The following EFCAB7 variants were observed in gnomAD, a reference collection of about 807,000 sequenced individuals.
EFCAB7 encodes the protein EF-hand calcium binding domain 7.
A neutral mutation model predicts 77.1 loss-of-function variants in EFCAB7; 66 were observed. The observed-to-expected ratio is 0.86, with a 90% CI of 0.70 to 1.05. The LOEUF (loss-of-function observed/expected upper bound fraction) is 1.05, where lower values mean the gene tolerates loss of function less well. EFCAB7 is among the 50% of genes least tolerant of loss of function. EFCAB7 has a pLI of 0.00. For synonymous variants in EFCAB7, 225 were observed against 243.3 expected, an observed-to-expected ratio of 0.92 and a Z score of 0.70; for missense variants, 638 against 730.5, an observed-to-expected ratio of 0.87 and a Z score of 1.46.
chr1:63,550,571 G>A (rs1646952417), intron 7 of EFCAB7: 1 of 151,204 alleles, frequency 6.6e-6, no homozygotes, highest in African/African-American at 2.4e-5. Flanking sequence ...TTTTATTAAT[G>A]TCATTTCTGG....
At chr1:63,549,206 T>C in intron 7 of EFCAB7, 1 of 360,160 alleles carries the variant, frequency 2.8e-6, no homozygotes, top group South Asian at 2.4e-5. Context: ...CATAATGCTT[T>C]GGAACAGGAC....
chr1:63,547,829 A>G (rs1344718378), intron 7 of EFCAB7: 1 of 152,226 alleles, frequency 6.6e-6, no homozygotes, highest in Non-Finnish European at 1.5e-5. Context: ...ATAATCCTTC[A>G]GTAAACTAGC....
At chr1:63,528,492 C>T (rs1230216510) in intron 2 of EFCAB7, among the ~76,000 whole-genome samples, 1 of 151,764 alleles carries the variant, frequency 6.6e-6, no homozygotes, top group East Asian at 1.9e-4. Context: ...AAGAATAAGA[C>T]CTAGTATTTA....
At chr1:63,561,514 A>C (rs1325565465) in intron 10 of EFCAB7, among the ~76,000 whole-genome samples, 195 bp from the exon 11 acceptor site, 1 of 152,220 alleles carries the variant, frequency 6.6e-6, no homozygotes, top group African/African-American at 2.4e-5. Context: ...CGATATATCT[A>C]TGCTGAGTTA....
chr1:63,525,330 A>G (rs1483079854), intron 1 of EFCAB7, among the ~76,000 whole-genome samples: 2 of 152,144 alleles, frequency 1.3e-5, no homozygotes, highest in Non-Finnish European at 2.9e-5. Flanking sequence ...TATATCTAAA[A>G]TTAGAAATTA....
chr1:63,546,035 AT>A lies in EFCAB7; in HGVS notation c.926del (p.Leu309Ter). Reference protein sequence around the residue: ...RSMVYLTIKPLNLSQVEGKPS... With the variant: ...RSMVYLTIKPXNLSQVEGKPS... ...CCATGGTTTATCTAACAATTAAGCC[AT>A]TAAACCTGAGTCAAGTTGAAGGCAA... is the stretch of plus-strand genomic sequence containing the variant. On this transcript the variant is annotated frameshift_variant, in exon 7 of 14. Transcript: ENST00000371088. LOFTEE classifies it high-confidence loss of function. The A allele has an allele frequency of 6.2e-7, 1 of 1,609,976 alleles. No homozygotes were observed. Among genetic ancestry groups the A allele is most frequent in the Non-Finnish European group, 8.5e-7 (1 of 1,179,168 alleles).
intron 6 of EFCAB7, among the ~76,000 whole-genome samples, chr1:63,538,027 T>C (rs1272863964): frequency 6.6e-6 from 1 of 152,204 alleles, no homozygotes; most frequent in Non-Finnish European, 1.5e-5. Flanking sequence ...TTTTGTACTT[T>C]TCAGCATTTC....
chr1:63,533,068 T>C (rs1416501359), intron 4 of EFCAB7, among the ~76,000 whole-genome samples: 2 of 151,898 alleles, frequency 1.3e-5, no homozygotes, highest in African/African-American at 2.4e-5. Flanking sequence ...TTAAAAAACA[T>C]GTGTGCTCAC....
chr1:63,558,731 TTTTG>T (rs1465114187), intron 10 of EFCAB7, among the ~76,000 whole-genome samples: 3 of 152,182 alleles, frequency 2.0e-5, no homozygotes, highest in Non-Finnish European at 2.9e-5. Flanking sequence ...TTTATTTTTA[TTTTG>T]TTTATTAATA....
intron 11 of EFCAB7, among the ~76,000 whole-genome samples, chr1:63,563,350 CA>C (rs1217300422): frequency 6.6e-6 from 1 of 152,060 alleles, no homozygotes; most frequent in Non-Finnish European, 1.5e-5. Context: ...ATGAGACTGC[CA>C]CTCAGTAACT....
chr1:63,564,671 A>G (rs1647149313), intron 11 of EFCAB7, among the ~76,000 whole-genome samples: 1 of 152,178 alleles, frequency 6.6e-6, no homozygotes, highest in South Asian at 2.1e-4. Context: ...ATTCCCACTA[A>G]ACTACCATTG....
At chr1:63,565,344 G>T (rs1038480683) in intron 11 of EFCAB7, among the ~76,000 whole-genome samples, 1 of 150,848 alleles carries the variant, frequency 6.6e-6, no homozygotes, top group African/African-American at 2.4e-5. Context: ...GGGCGAGAGT[G>T]CGAGACTCCG....
At chr1:63,570,485 A>G (rs1416427962) in intron 12 of EFCAB7, 1 of 152,150 alleles carries the variant, frequency 6.6e-6, no homozygotes, top group Non-Finnish European at 1.5e-5. Context: ...TGTAATTGTC[A>G]TTTTATTTGT....
At chr1:63,566,945 C>T (rs1647179604) in intron 11 of EFCAB7, among the ~76,000 whole-genome samples, 1 of 150,856 alleles carries the variant, frequency 6.6e-6, no homozygotes, top group African/African-American at 2.4e-5. Context: ...TTATAGTCTA[C>T]TAAAATTAAC....
rs779454406 is a variant in EFCAB7, at chr1:63,532,050, T to G, written c.399+19T>G. The G allele has an allele frequency of 5.1e-6, 8 of 1,574,336 alleles. No homozygotes were observed. The highest frequency in any genetic ancestry group is 7.0e-6 in the Non-Finnish European group (8 of 1,148,982). ...AACAAAGGTAAGATCTGTAAAACTG[T>G]TTTGTAATGTGCATATTTTCTAAAA... On this transcript the variant is annotated intron_variant, in intron 3 of 13. Coordinates refer to ENST00000371088, the MANE Select transcript of EFCAB7 (RefSeq NM_032437.4).
At chr1:63,564,276 A>G (rs1185666356) in intron 11 of EFCAB7, among the ~76,000 whole-genome samples, 1 of 152,168 alleles carries the variant, frequency 6.6e-6, no homozygotes, top group Non-Finnish European at 1.5e-5. Flanking sequence ...AGTTAGTAGG[A>G]TAAAGAAAAT....
chr1:63,544,902 C>T (rs910166657), intron 6 of EFCAB7, among the ~76,000 whole-genome samples: 1 of 150,694 alleles, frequency 6.6e-6, no homozygotes, highest in Non-Finnish European at 1.5e-5. Flanking sequence ...TTTTTCAATA[C>T]TTCATTTTTC....
chr1:63,571,146 A>C lies in EFCAB7; in HGVS notation c.1815+18A>C, dbSNP rs779771390. ...CTACAATGGTAATGTATTATTTTCT[A>C]ATTAAAGCCTTTTGTTTTATGTCTT... On this transcript the variant is annotated intron_variant, in intron 13 of 13. Transcript: ENST00000371088. 2 of 1,556,192 alleles carry C rather than the reference A, an allele frequency of 1.3e-6. No individual in the cohort carries two copies. The highest frequency in any genetic ancestry group is 2.3e-5 in the South Asian group (2 of 85,120).
At chr1:63,530,928 T>C (rs1570380256) in intron 2 of EFCAB7, among the ~76,000 whole-genome samples, 1 of 152,214 alleles carries the variant, frequency 6.6e-6, no homozygotes, top group East Asian at 1.9e-4. Flanking sequence ...TCAATACATT[T>C]ATATGTTGTA....
Sources: allele counts gnomAD v4.1 joint callset (sites outside exome capture counted in the v4.1 genomes callset), GRCh38; gene constraint gnomAD v4.1.1; transcripts MANE v1.5; gene names NCBI Gene and HGNC (gene_info 2026-07-23, HGNC 2026-07-21).